Variants in MDN1 observed in about 807,000 individuals in gnomAD.
The protein encoded by MDN1 is midasin AAA ATPase 1.
A neutral mutation model predicts 669.2 loss-of-function variants in MDN1; 266 were observed. The observed-to-expected ratio is 0.40, with a 90% CI of 0.36 to 0.44. MDN1 has a LOEUF of 0.44. MDN1 is among the 20% of genes least tolerant of loss of function. MDN1 has a pLI of 1.00. For synonymous variants in MDN1, 2,385 were observed against 2,457.1 expected, an observed-to-expected ratio of 0.97 and a Z score of 0.87; for missense variants, 5,940 against 6,754.0, an observed-to-expected ratio of 0.88 and a Z score of 4.22.
At chr6:89,725,041 G>C (rs1046645845) in intron 38 of MDN1, among the ~76,000 whole-genome samples, 158 bp downstream of exon 38, 1 of 152,034 alleles carries the variant, frequency 6.6e-6, no homozygotes, top group East Asian at 1.9e-4. Flanking sequence ...GCAATGATGG[G>C]AATCAGTCAC....
chr6:89,770,272 T>C (rs1818015930), intron 15 of MDN1, among the ~76,000 whole-genome samples: 1 of 151,604 alleles, frequency 6.6e-6, no homozygotes, highest in Admixed American at 6.6e-5. Context: ...GGCATGGTGG[T>C]GTGTGCCTGT....
At chr6:89,716,159 C>G (rs187799271) in intron 44 of MDN1, among the ~76,000 whole-genome samples, 1 of 152,272 alleles carries the variant, frequency 6.6e-6, no homozygotes, top group African/African-American at 2.4e-5. Context: ...AAATAGTCAT[C>G]ATCTAACTTG....
Position 89,714,702 on chromosome 6 carries a change from T to C in MDN1, c.6910A>G (p.Arg2304Gly). 6.2e-7 allele frequency: 1 copy of C among 1,614,094 alleles called. No homozygotes were observed. The highest frequency in any genetic ancestry group is 8.5e-7 in the Non-Finnish European group (1 of 1,180,000). Residue 2304 changes from arginine (R) to glycine (G), a missense_variant, in exon 46 of 102, where the codon AGG (arginine) becomes GGG (glycine). Arg to Gly is a moderately radical substitution (Grantham distance 125, BLOSUM62 -2). Transcript: ENST00000369393. ...PVHGDISRAMRNRGLEIYISG... is the reference protein window; with the variant it reads ...PVHGDISRAMGNRGLEIYISG... The stretch of plus-strand genomic sequence containing the variant: ...ATGTAGATTTCAAGTCCACGATTCC[T>C]CATAGCTCGGGATATATCTCCATGA...
Position 89,751,554 on chromosome 6 carries a change from A to C in MDN1, c.3104T>G (p.Leu1035Arg). The part of the protein sequence containing the change: ...QPIPEPKGGR[L>R]IQVEGYWIAV... ...AATCCAGTAGCCTTCAACCTGGATA[A>C]GCCGACCTCCTTTTGGCTCTGGAAT... Residue 1035 changes from leucine (L) to arginine (R), a missense_variant, in exon 23 of 102, where the codon CTT (leucine) becomes CGT (arginine). This residue lies in a region of MDN1 where 1,203 missense variants were observed against 1,268.9 expected (regional missense o/e 0.95). Transcript: ENST00000369393. 1 of 1,614,172 alleles carries C rather than the reference A, an allele frequency of 6.2e-7. No individual in the cohort carries two copies.
At chr6:89,787,722 G>T in intron 8 of MDN1, 132 bp downstream of exon 8, 1 of 610,524 alleles carries the variant, frequency 1.6e-6, no homozygotes, top group East Asian at 2.8e-5. Flanking sequence ...GAGAAGGTTA[G>T]ACCTGTTATC....
At chr6:89,659,688 T>C (rs1809583224) in intron 88 of MDN1, among the ~76,000 whole-genome samples, 1 of 152,176 alleles carries the variant, frequency 6.6e-6, no homozygotes, top group Admixed American at 6.5e-5. Context: ...AGGAAAATTT[T>C]AGGCCAATGG....
intron 94 of MDN1, among the ~76,000 whole-genome samples, chr6:89,652,769 A>G (rs891940869): frequency 6.6e-6 from 1 of 152,220 alleles, no homozygotes; most frequent in Non-Finnish European, 1.5e-5. Context: ...CAGACAGGTC[A>G]GGGCACTGTG....
chr6:89,778,980 AG>A lies in MDN1; in HGVS notation c.1725+1231del, dbSNP rs377460142. ...GTCAGTATGTACTAAAATAAGCCAA[AG>A]AAAAAAAAAATTTTACAGGTGTAGA... is the stretch of plus-strand genomic sequence containing the variant. On this transcript the variant is annotated intron_variant, in intron 11 of 101. Coordinates refer to ENST00000369393, the MANE Select transcript of MDN1 (RefSeq NM_014611.3). 3.0e-4 allele frequency among the ~76,000 whole-genome samples: 45 copies of A among 148,442 alleles called. 1 individual carries two copies. In the East Asian group the frequency reaches 8.3e-3, roughly 27 times the overall value.
chr6:89,743,447 G>A (rs1816399542), intron 30 of MDN1, 129 bp downstream of exon 30: 2 of 1,349,652 alleles, frequency 1.5e-6, no homozygotes, highest in African/African-American at 2.9e-5. Context: ...GGCCCTTGTA[G>A]ACCAGAGAAA....
intron 45 of MDN1, among the ~76,000 whole-genome samples, 179 bp from the exon 46 acceptor site, chr6:89,714,930 T>G (rs1814223717): frequency 6.6e-6 from 1 of 152,178 alleles, no homozygotes; most frequent in Non-Finnish European, 1.5e-5. Context: ...TAAACCTACT[T>G]TCCTAAGGAA....
chr6:89,813,549 CA>C (rs531368427), intron 1 of MDN1, among the ~76,000 whole-genome samples: 1,168 of 68,238 alleles, frequency 0.017, 9 homozygotes, highest in African/African-American at 0.059. Context: ...GACTCTGTCT[CA>C]AAAAAAAAAA....
In MDN1 at chr6:89,716,787, C is replaced by T. The variant is rs1814405957; in HGVS notation, c.6606G>A (p.Glu2202=). The T allele has an allele frequency of 9.9e-6, 16 of 1,608,270 alleles. No individual in the cohort carries two copies. The highest frequency in any genetic ancestry group is 2.3e-5 in the East Asian group (1 of 44,386). Residue 2202 remains glutamate (E), a synonymous_variant, in exon 44 of 102, where the codon GAG becomes GAA. Coordinates refer to ENST00000369393, the MANE Select transcript of MDN1 (RefSeq NM_014611.3). ...CKAEFAKLVE[E]FRSFGVKLTQ... is the part of the protein sequence containing the mutation. ...TAAGCTTCACACCAAAGCTTCGGAA[C>T]TCTTCAACAAGTTTGGCAAACTCTG... is the stretch of plus-strand genomic sequence containing the variant.
Position 89,701,163 on chromosome 6 carries a change from G to A in MDN1, c.8428-307C>T, listed in dbSNP as rs146597845. Among the ~76,000 whole-genome samples the A allele has an allele frequency of 4.7e-4, 72 of 152,284 alleles. No individual in the cohort carries two copies. The East Asian group carries it at 9.1e-3, about 19-fold the overall frequency. On this transcript the variant is annotated intron_variant, in intron 55 of 101. Coordinates refer to ENST00000369393, the MANE Select transcript of MDN1 (RefSeq NM_014611.3). ...GCATCAATTCAACCAACCGTGGGTC[G>A]AAAATATTCAGGGGGAAAAATGGAT... is the stretch of plus-strand genomic sequence containing the variant.
chr6:89,658,450 T>C (rs1447712043), intron 89 of MDN1, 80 bp from the exon 90 acceptor site: 2 of 1,579,068 alleles, frequency 1.3e-6, no homozygotes, highest in Non-Finnish European at 8.6e-7. Context: ...CAAGCAGGCT[T>C]CCCCACTCCT....
intron 2 of MDN1, among the ~76,000 whole-genome samples, chr6:89,795,437 T>C (rs1444596480): frequency 2.0e-5 from 3 of 150,912 alleles, no homozygotes; most frequent in Non-Finnish European, 4.4e-5. Flanking sequence ...ACCTTGTTCC[T>C]ACAGAAAAAA....
At chr6:89,647,995 A>AT (rs748675360) in intron 99 of MDN1, 37 bp downstream of exon 99, 17 of 1,489,454 alleles carry the variant, frequency 1.1e-5, no homozygotes, top group Middle Eastern at 1.7e-4. Context: ...CAGTTTAAAA[A>AT]TAACTGTGCA....
chr6:89,682,864 T>C (rs189539238), intron 73 of MDN1, among the ~76,000 whole-genome samples: 8 of 150,996 alleles, frequency 5.3e-5, no homozygotes, highest in East Asian at 3.9e-4. Context: ...GAAGGATCAT[T>C]TGAGTCCAGG....
rs1159532342 is a variant in MDN1 at position 89,662,859 on chromosome 6, T to C, written c.14345A>G (p.Asp4782Gly). Residue 4782 changes from aspartate to glycine, a missense_variant, in exon 86 of 102, where the codon GAT becomes GGT. Asp to Gly is a moderately conservative substitution (Grantham distance 94). This residue lies in a region of MDN1 where 2,280 missense variants were observed against 2,576.3 expected (regional missense o/e 0.88). Transcript: ENST00000369393. ...TTCCTCCTCATCTTCCTCCTCATCA[T>C]CATCACCCCAAAGCCTCTCATCTAG... Reference protein sequence around the residue: ...DKLDERLWGDDDEEEDEEEED... With the variant: ...DKLDERLWGDGDEEEDEEEED... 6.2e-7 allele frequency: 1 copy of C among 1,614,106 alleles called. No homozygotes were observed. Among genetic ancestry groups the C allele is most frequent in the East Asian group, 2.2e-5 (1 of 44,868 alleles).
chr6:89,648,227 T>C, intron 98 of MDN1, 29 bp downstream of exon 98: 1 of 1,612,478 alleles, frequency 6.2e-7, no homozygotes, highest in African/African-American at 1.3e-5. Flanking sequence ...GTGAAAAGTT[T>C]TCATAAAGGA....
Sources: gnomAD v4.1 joint callset for allele counts (sites outside exome capture counted in the v4.1 genomes callset) on GRCh38, gnomAD v4.1.1 for gene constraint, gnomAD v4.1.1 regional missense constraint, MANE v1.5 for transcripts, NCBI Gene and HGNC (gene_info 2026-07-23, HGNC 2026-07-21) for gene names.